TRIML1: variants seen among roughly 807,000 people sequenced by gnomAD.
The protein encoded by TRIML1 is probable E3 ubiquitin-protein ligase TRIML1.
TRIML1 carries 34 observed loss-of-function variants against 32.3 expected under a neutral mutation model. The ratio of observed to expected loss-of-function variants is 1.05; its 90% CI spans 0.80 to 1.40. The LOEUF (loss-of-function observed/expected upper bound fraction) is 1.40. Among genes scored for constraint, TRIML1 ranks in the 40% most tolerant of loss-of-function variants. TRIML1 has a pLI of 0.00. For synonymous variants in TRIML1, 244 were observed against 226.6 expected (o/e 1.08, Z -0.69); for missense variants, 595 against 574.9 (o/e 1.03, Z -0.36).
chr4:188,150,578 A>C (rs889267540), downstream of TRIML1, among the ~76,000 whole-genome samples: 5 of 152,192 alleles, frequency 3.3e-5, no homozygotes, highest in African/African-American at 1.2e-4. Flanking sequence ...TAAATACAAA[A>C]GTAATACATT....
downstream of TRIML1, among the ~76,000 whole-genome samples, chr4:188,147,912 G>C (rs1735149633): frequency 6.6e-6 from 1 of 152,082 alleles, no homozygotes; most frequent in South Asian, 2.1e-4. Context: ...CCATGAGCCT[G>C]CAGTGTTTGT....
At chr4:188,141,811 G>C (rs536779837) in intron 2 of TRIML1, among the ~76,000 whole-genome samples, 1 of 152,124 alleles carries the variant, frequency 6.6e-6, no homozygotes, top group East Asian at 1.9e-4. Context: ...AGGAATTGTT[G>C]CCATGAAACT....
Position 188,142,272 on chromosome 4 carries a change from A to G in TRIML1, c.525A>G (p.Lys175=), listed in dbSNP as rs1190176478. ...KLCQEETKTC[K]QVVVSEYMKM... ...GGCAGGAAGAAACAAAGACTTGTAA[A>G]CAGGTTGTTGTGTCAGAATACATGA... The change falls in exon 3 of 6, where the codon AAA becomes AAG. Residue 175 remains lysine (K), a synonymous_variant. Coordinates refer to ENST00000332517, the MANE Select transcript of TRIML1 (RefSeq NM_178556.5). 2 of 1,612,196 alleles carry G rather than the reference A, an allele frequency of 1.2e-6. No individual in the cohort carries two copies. Among genetic ancestry groups the G allele is most frequent in the African/African-American group, 1.3e-5 (1 of 74,456 alleles).
chr4:188,143,713 C>A (rs1734949122), intron 3 of TRIML1, 125 bp from the exon 4 acceptor site: 2 of 1,141,264 alleles, frequency 1.8e-6, no homozygotes. Flanking sequence ...TCTCTGTGCT[C>A]CCACTCATGG....
At chr4:188,142,625 T>C (rs753950653) in intron 3 of TRIML1, 143 bp downstream of exon 3, 1 of 631,084 alleles carries the variant, frequency 1.6e-6, no homozygotes, top group Non-Finnish European at 2.7e-6. Context: ...TGACATTCTA[T>C]ATGTCAATAA....
chr4:188,140,386 T>G, intron 1 of TRIML1, 142 bp from the exon 2 acceptor site: 1 of 630,350 alleles, frequency 1.6e-6, no homozygotes. Context: ...CCTCCCAAAG[T>G]GCTGGGATTA....
In TRIML1 at chr4:188,144,040, G is replaced by A. The variant is rs267600120; in HGVS notation, c.763G>A (p.Glu255Lys). ...AACCTCTCTGCTCTCTTGCAGGAGC[G>A]AGCCACTCTTGCTTCAGTGTCCAGA... ...EEVRGALERSEPLLLQCPEAT... is the reference protein window; with the variant it reads ...EEVRGALERSKPLLLQCPEAT... The change falls in exon 5 of 6, where the codon GAG becomes AAG. Residue 255 changes from glutamate (E) to lysine (K), a missense_variant. By Grantham distance (56) the Glu-to-Lys change is moderately conservative. Transcript: ENST00000332517. The A allele has an allele frequency of 2.7e-5, 43 of 1,613,858 alleles. No homozygotes were observed. The highest frequency in any genetic ancestry group is 1.5e-4 in the South Asian group (14 of 91,082).
chr4:188,148,443 G>C (rs1005594057), downstream of TRIML1, among the ~76,000 whole-genome samples: 1 of 151,886 alleles, frequency 6.6e-6, no homozygotes, highest in Non-Finnish European at 1.5e-5. Flanking sequence ...GCAGTGAGCG[G>C]AGATCATTCC....
chr4:188,139,423 A>C, upstream of TRIML1: 1 of 832,066 alleles, frequency 1.2e-6, no homozygotes. Context: ...TCAGGCACAG[A>C]AGAGATAAGG....
Position 188,139,783 on chromosome 4 carries a change from C to T in TRIML1, c.225C>T (p.Ala75=). The T allele has an allele frequency of 6.2e-7, 1 of 1,613,926 alleles. No individual in the cohort carries two copies. Among genetic ancestry groups the T allele is most frequent in the Non-Finnish European group, 8.5e-7 (1 of 1,180,006 alleles). The change falls in exon 1 of 6, where the codon GCC becomes GCT. Residue 75 remains alanine, a synonymous_variant. Coordinates refer to ENST00000332517, the MANE Select transcript of TRIML1 (RefSeq NM_178556.5). ...FQSNERLGRL[A]SIARQLRSQV... ...CAAACGAGCGTCTGGGGAGGCTGGC[C>T]AGCATCGCCAGGCAGCTCCGGTCCC... is the stretch of plus-strand genomic sequence containing the variant.
chr4:188,144,466 CA>C (rs1424327296), intron 5 of TRIML1, among the ~76,000 whole-genome samples: 1 of 147,390 alleles, frequency 6.8e-6, no homozygotes, highest in East Asian at 2.0e-4. Flanking sequence ...GGGTTCACGC[CA>C]TTCTCCTGCC....
rs1734966335 is a variant in TRIML1, at chr4:188,144,110, A to G, written c.833A>G (p.Lys278Arg). 6.2e-7 allele frequency: 1 copy of G among 1,613,894 alleles called. No homozygotes were observed. Among genetic ancestry groups the G allele is most frequent in the African/African-American group, 1.3e-5 (1 of 74,904 alleles). The change falls in exon 5 of 6, where the codon AAG (lysine) becomes AGG (arginine). Residue 278 changes from lysine to arginine, a missense_variant. Lys to Arg is a conservative substitution (Grantham distance 26). Transcript: ENST00000332517. ...AGTCTGTGCCGCATCACGGGAATGA[A>G]GGAGATGCTAAGAAAATTCAGCAGT... Reference protein sequence around the residue: ...ELSLCRITGMKEMLRKFSTEI... With the variant: ...ELSLCRITGMREMLRKFSTEI...
At chr4:188,150,107 T>C (rs186384234), downstream of TRIML1, among the ~76,000 whole-genome samples, 5 of 146,792 alleles carry the variant, frequency 3.4e-5, no homozygotes, top group Non-Finnish European at 7.5e-5. Context: ...CCCGGCCTTA[T>C]TTTATTTATT....
intron 5 of TRIML1, among the ~76,000 whole-genome samples, chr4:188,145,253 C>A (rs563217150): frequency 6.6e-6 from 1 of 151,314 alleles, no homozygotes. Flanking sequence ...GCCTGGCCAA[C>A]ATGGTGAAAC....
chr4:188,147,401 C>T lies in TRIML1; in HGVS notation c.*29C>T, dbSNP rs138101551. On this transcript the variant is annotated 3_prime_UTR_variant, in exon 6 of 6. Coordinates refer to ENST00000332517, the MANE Select transcript of TRIML1 (RefSeq NM_178556.5). ...GCGTGCCCTGAGCCGTCACAGCGGG[C>T]GATGTCTGAGACCAAGACACAACTA... The T allele has an allele frequency of 1.5e-4, 217 of 1,450,444 alleles. No homozygotes were observed. The highest frequency in any genetic ancestry group is 1.5e-3 in the African/African-American group (103 of 70,598). The allele number at this position is 1,450,444 out of a possible 1,614,324, so 89.8% of individuals were successfully genotyped here. A position where few individuals can be genotyped will look rare whatever the true frequency, so the allele number is the denominator to read the frequency against.
chr4:188,144,615 G>A (rs1734999203), intron 5 of TRIML1, among the ~76,000 whole-genome samples: 2 of 151,630 alleles, frequency 1.3e-5, no homozygotes, highest in African/African-American at 4.8e-5. Context: ...GCCCGCCTCG[G>A]CCTCCCAAAG....
chr4:188,150,549 GT>G (rs1264236052), downstream of TRIML1, among the ~76,000 whole-genome samples: 2 of 152,264 alleles, frequency 1.3e-5, no homozygotes, highest in Middle Eastern at 3.4e-3. Context: ...AAAAATCCCA[GT>G]TTTGTGGAGG....
intron 5 of TRIML1, among the ~76,000 whole-genome samples, chr4:188,145,956 T>C (rs1735062843): frequency 6.6e-6 from 1 of 152,122 alleles, no homozygotes; most frequent in African/African-American, 2.4e-5. Flanking sequence ...AAAAGGCTGA[T>C]TAGGGATTGT....
Position 188,145,453 on chromosome 4 carries a change from AAAAAAAAAAAAAAAAAAAAAAAAG to A in TRIML1, c.856+1321_856+1344del, listed in dbSNP as rs1439081519. Among the ~76,000 whole-genome samples, 6 of 69,776 alleles carry A rather than the reference AAAAAAAAAAAAAAAAAAAAAAAAG, an allele frequency of 8.6e-5. 1 individual carries two copies. Among genetic ancestry groups the A allele is most frequent in the African/African-American group, 2.6e-4 (6 of 23,074 alleles). The allele number at this position is 69,776 out of a possible 152,430, so 45.8% of individuals were successfully genotyped here. A position where few individuals can be genotyped will look rare whatever the true frequency, so the allele number is the denominator to read the frequency against. On this transcript the variant is annotated intron_variant, in intron 5 of 5. Coordinates refer to ENST00000332517, the MANE Select transcript of TRIML1 (RefSeq NM_178556.5). ...CGAGACTCCGTCTCAAAAAAAAAAA[AAAAAAAAAAAAAAAAAAAAAAAAG>A]TCAGAAATGGAATGACTGGGGTACC...
Sources: gnomAD v4.1 joint callset for allele counts (sites outside exome capture counted in the v4.1 genomes callset) on GRCh38, gnomAD v4.1.1 for gene constraint, MANE v1.5 for transcripts, NCBI Gene and HGNC (gene_info 2026-07-23, HGNC 2026-07-21) for gene names.